The following ABR variants were observed in gnomAD, a reference collection of about 807,000 sequenced individuals.
ABR encodes active breakpoint cluster region-related protein.
A neutral mutation model predicts 107.2 loss-of-function variants in ABR; 35 were observed. The observed-to-expected ratio is 0.33, with a 90% CI of 0.25 to 0.43. The LOEUF (loss-of-function observed/expected upper bound fraction) is 0.43. ABR is among the 20% of genes least tolerant of loss of function. ABR has a pLI of 1.00. For synonymous variants in ABR, 498 were observed against 462.0 expected (o/e 1.08, Z -1.00); for missense variants, 815 against 1,115.2 (o/e 0.73, Z 3.83).
chr17:1,153,387 ATCCAGGCACACCTGCGGGAGGGCTGGGGG>A (rs1567833027), intron 1 of ABR, among the ~76,000 whole-genome samples: 18 of 103,736 alleles, frequency 1.7e-4, no homozygotes, highest in Admixed American at 3.9e-4. Flanking sequence ...AGGGCTGGGG[ATCCAGGCACACCTGCGGGAGGGCTGGGGG>A]TCCAGGCACA....
chr17:1,032,405 C>T (rs2072875618), intron 16 of ABR, among the ~76,000 whole-genome samples: 1 of 152,212 alleles, frequency 6.6e-6, no homozygotes. Context: ...AATCGGGTCA[C>T]TGATCTGCTC....
chr17:1,037,942 G>A lies in ABR; in HGVS notation c.1791+12108C>T, dbSNP rs1344201399. 6.6e-6 allele frequency among the ~76,000 whole-genome samples: 1 copy of A among 152,164 alleles called. No individual in the cohort carries two copies. The highest frequency in any genetic ancestry group is 2.4e-5 in the African/African-American group (1 of 41,434). ...AATCAGGAGCTCGGAACAGACACAT[G>A]GTCTCCGGTGAGATTTCTTTTCTGC... On this transcript the variant is annotated intron_variant, in intron 16 of 22. Transcript: ENST00000302538. This position sits in a 1 kb window ranked among gnomAD's most constrained non-coding sequence, Gnocchi z 4.6.
chr17:1,165,468 G>C (rs1291893731), intron 1 of ABR, among the ~76,000 whole-genome samples: 1 of 152,236 alleles, frequency 6.6e-6, no homozygotes, highest in African/African-American at 2.4e-5. Flanking sequence ...GGAAACTCAG[G>C]AAGCTCCAGA....
At chr17:1,073,568 TCA>T in intron 7 of ABR, 55 bp downstream of exon 7, 1 of 1,371,580 alleles carries the variant, frequency 7.3e-7, no homozygotes, top group Non-Finnish European at 9.8e-7. Flanking sequence ...TCACCCAGGC[TCA>T]GTCTTCCACT....
chr17:1,186,583 C>A (rs2042302548), intron 1 of ABR, among the ~76,000 whole-genome samples: 1 of 152,220 alleles, frequency 6.6e-6, no homozygotes, highest in African/African-American at 2.4e-5. Flanking sequence ...TGGCCAGGGG[C>A]CACAGCAAGG....
chr17:1,083,845 A>AG (rs989384873), intron 4 of ABR: 2 of 517,888 alleles, frequency 3.9e-6, no homozygotes, highest in Non-Finnish European at 7.0e-6. Context: ...AAGGTTAATG[A>AG]GGGGGTCTGG....
chr17:1,014,430 G>C (rs916212434), intron 16 of ABR, among the ~76,000 whole-genome samples: 18 of 150,538 alleles, frequency 1.2e-4, no homozygotes, highest in African/African-American at 4.4e-4. Flanking sequence ...GACAGAGCGA[G>C]ACTCCGTCTC....
At chr17:1,045,730 G>A (rs1257217368) in intron 16 of ABR, among the ~76,000 whole-genome samples, 1 of 152,336 alleles carries the variant, frequency 6.6e-6, no homozygotes, top group Non-Finnish European at 1.5e-5. Flanking sequence ...TATTGTGGCT[G>A]ACATCTAGCA....
chr17:1,152,925 T>G (rs931291215), intron 1 of ABR, among the ~76,000 whole-genome samples: 1 of 151,982 alleles, frequency 6.6e-6, no homozygotes, highest in Non-Finnish European at 1.5e-5. Context: ...GAAACCTGTC[T>G]CTACTGACAA....
intron 6 of ABR, among the ~76,000 whole-genome samples, chr17:1,077,184 G>A (rs1397328553): frequency 6.6e-6 from 1 of 152,186 alleles, no homozygotes; most frequent in Non-Finnish European, 1.5e-5. Flanking sequence ...GGGAAAGGCA[G>A]CACCTGTAAA....
intron 1 of ABR, among the ~76,000 whole-genome samples, chr17:1,147,382 A>C (rs2040599969): frequency 6.8e-6 from 1 of 148,056 alleles, no homozygotes; most frequent in Non-Finnish European, 1.5e-5. Context: ...TTTTTTTGAC[A>C]CAGAGTCTCA....
At chr17:1,089,227 T>A (rs918321778) in intron 4 of ABR, among the ~76,000 whole-genome samples, 2 of 150,456 alleles carry the variant, frequency 1.3e-5, no homozygotes, top group African/African-American at 4.9e-5. Flanking sequence ...AGAGATAGGG[T>A]CTTGCTATGT....
At chr17:1,030,893 C>T (rs947639103) in intron 16 of ABR, among the ~76,000 whole-genome samples, 1 of 152,258 alleles carries the variant, frequency 6.6e-6, no homozygotes, top group South Asian at 2.1e-4. Flanking sequence ...GTGCGCTGGG[C>T]GCTGGGTCTG....
At chr17:1,141,378 G>A (rs965387431) in intron 1 of ABR, among the ~76,000 whole-genome samples, 3 of 152,216 alleles carry the variant, frequency 2.0e-5, no homozygotes, top group Admixed American at 2.0e-4. Context: ...CCATTCCTGA[G>A]ATTAGCACTT....
intron 1 of ABR, among the ~76,000 whole-genome samples, chr17:1,153,229 G>A (rs900034486): frequency 6.6e-6 from 1 of 152,182 alleles, no homozygotes; most frequent in Admixed American, 6.5e-5. Context: ...CCACAACTAG[G>A]CAGAAGGACC....
At chr17:1,217,130 G>A (rs528064708) in intron 1 of ABR, among the ~76,000 whole-genome samples, 6 of 152,218 alleles carry the variant, frequency 3.9e-5, no homozygotes, top group East Asian at 1.9e-4. Flanking sequence ...AAAATAAAAC[G>A]GAAAGGCGCA....
At position 1,018,209 on chromosome 17, in the gene ABR, A is replaced by AT. The variant is rs565334743; in HGVS notation, c.1792-5046dup. ...AGGCGCCCGCCACCACCCCCGGCTA[A>AT]TTTTTTGTATTTTTAGTAGAGACGG... On this transcript the variant is annotated intron_variant, in intron 16 of 22. Transcript: ENST00000302538. Among the ~76,000 whole-genome samples, 258 of 151,494 alleles carry AT rather than the reference A, an allele frequency of 1.7e-3. 4 individuals are homozygous for AT. Among genetic ancestry groups the AT allele is most frequent in the South Asian group, 0.013 (62 of 4,788 alleles).
intron 16 of ABR, among the ~76,000 whole-genome samples, chr17:1,023,657 G>A (rs1006831219): frequency 2.0e-5 from 3 of 152,224 alleles, no homozygotes; most frequent in Non-Finnish European, 2.9e-5. Flanking sequence ...TCACGCTGGA[G>A]GCCACGGGAA....
intron 1 of ABR, among the ~76,000 whole-genome samples, chr17:1,161,358 C>T (rs1374518886): frequency 6.6e-6 from 1 of 151,930 alleles, no homozygotes; most frequent in African/African-American, 2.4e-5. Context: ...CCTCCCACCT[C>T]AGCCTCCCAA....
Sources: gnomAD v4.1 joint callset for allele counts (sites outside exome capture counted in the v4.1 genomes callset) on GRCh38, gnomAD v4.1.1 for gene constraint, Gnocchi (gnomAD v3.1) non-coding constraint, MANE v1.5 for transcripts, NCBI Gene and HGNC (gene_info 2026-07-23, HGNC 2026-07-21) for gene names.